Variants in PLCB4 observed in about 807,000 individuals in gnomAD.
PLCB4 encodes the protein 1-phosphatidylinositol 4,5-bisphosphate phosphodiesterase beta-4.
PLCB4 carries 77 observed loss-of-function variants against 178.8 expected under a neutral mutation model. The observed-to-expected ratio is 0.43, with a 90% CI of 0.36 to 0.52. The LOEUF (loss-of-function observed/expected upper bound fraction) is 0.52, where lower values mean the gene tolerates loss of function less well. PLCB4 is among the 20% of genes least tolerant of loss of function. The pLI, the probability that PLCB4 is intolerant of heterozygous loss-of-function variation, is 0.00. For synonymous variants in PLCB4, 496 were observed against 490.8 expected, an observed-to-expected ratio of 1.01 and a Z score of -0.14; for missense variants, 1,024 against 1,453.4, an observed-to-expected ratio of 0.70 and a Z score of 4.80.
chr20:9,418,482 G>A (rs1002429586), intron 25 of PLCB4, among the ~76,000 whole-genome samples: 12 of 152,102 alleles, frequency 7.9e-5, no homozygotes, highest in South Asian at 2.1e-4. Context: ...CATAGATAAC[G>A]TGGATTTATT....
intron 3 of PLCB4, among the ~76,000 whole-genome samples, chr20:9,271,200 C>G (rs1161373465): frequency 6.6e-6 from 1 of 152,126 alleles, no homozygotes; most frequent in Non-Finnish European, 1.5e-5. Flanking sequence ...CTCAAGTTGT[C>G]CATTTTACAT....
At chr20:9,151,776 C>G (rs569400339) in intron 2 of PLCB4, among the ~76,000 whole-genome samples, 8 of 152,190 alleles carry the variant, frequency 5.3e-5, no homozygotes, top group African/African-American at 1.9e-4. Context: ...GACTTTGGAA[C>G]TGGGTAACAG....
chr20:9,384,556 T>C, intron 14 of PLCB4, 145 bp downstream of exon 14: 2 of 637,374 alleles, frequency 3.1e-6, no homozygotes, highest in Admixed American at 5.6e-5. Context: ...TCATTTAACG[T>C]TGAGAAAAGA....
Position 9,158,196 on chromosome 20 carries a change from A to G in PLCB4, c.-78-59194A>G, listed in dbSNP as rs143355112. 8.7e-4 allele frequency among the ~76,000 whole-genome samples: 132 copies of G among 152,212 alleles called. 1 individual carries two copies. In the East Asian group the frequency reaches 0.023, roughly 27 times the overall value. On this transcript the variant is annotated intron_variant, in intron 2 of 39. Coordinates refer to ENST00000378473, the MANE Select transcript of PLCB4 (RefSeq NM_001377142.1). ...GTATTTTCAAACAGTGTTTCCCAATATCAGTCATACAGATACCATCTGCAT... is the reference window on the plus strand; with the variant it reads ...GTATTTTCAAACAGTGTTTCCCAATGTCAGTCATACAGATACCATCTGCAT...
At chr20:9,168,834 T>A (rs1285766961) in intron 2 of PLCB4, among the ~76,000 whole-genome samples, 1 of 152,124 alleles carries the variant, frequency 6.6e-6, no homozygotes, top group Non-Finnish European at 1.5e-5. Context: ...CTGGTAGAAA[T>A]GTGTGGGATT....
intron 3 of PLCB4, among the ~76,000 whole-genome samples, chr20:9,270,185 T>C (rs1322336605): frequency 1.3e-5 from 2 of 152,196 alleles, no homozygotes; most frequent in Non-Finnish European, 2.9e-5. Flanking sequence ...TTTTTCTTTT[T>C]ATTTATTTTA....
chr20:9,200,250 A>G (rs1016592344), intron 2 of PLCB4, among the ~76,000 whole-genome samples: 56 of 152,170 alleles, frequency 3.7e-4, no homozygotes, highest in African/African-American at 1.2e-3. Flanking sequence ...AACTTTTTCA[A>G]TGCTGGGTTT....
intron 36 of PLCB4, among the ~76,000 whole-genome samples, chr20:9,472,042 A>T (rs1438766406): frequency 6.6e-6 from 1 of 152,254 alleles, no homozygotes; most frequent in African/African-American, 2.4e-5. Context: ...CAATGAGGAA[A>T]TAGTGTAGTC....
intron 2 of PLCB4, among the ~76,000 whole-genome samples, chr20:9,162,139 TAGAATGTCATACCC>T (rs2092898978): frequency 6.6e-6 from 1 of 152,208 alleles, no homozygotes. Flanking sequence ...CAGTGTTTAT[TAGAATGTCATACCC>T]TGCTTTAAAA....
chr20:9,365,906 A>T (rs981873361), intron 9 of PLCB4, among the ~76,000 whole-genome samples: 4 of 152,150 alleles, frequency 2.6e-5, no homozygotes, highest in African/African-American at 9.7e-5. Context: ...CCGTGTCTTG[A>T]GAAGTGTGAT....
intron 18 of PLCB4, among the ~76,000 whole-genome samples, chr20:9,394,058 G>A (rs976568421): frequency 6.6e-6 from 1 of 151,904 alleles, no homozygotes; most frequent in Admixed American, 6.6e-5. Flanking sequence ...ACCTATCTAG[G>A]GATACTAGGT....
At chr20:9,070,946 C>T (rs970311631) in intron 1 of PLCB4, among the ~76,000 whole-genome samples, 3 of 152,150 alleles carry the variant, frequency 2.0e-5, no homozygotes, top group South Asian at 2.1e-4. Context: ...TTAAATCTGT[C>T]GGAATAACTC....
chr20:9,468,310 A>G (rs1227930558), intron 35 of PLCB4, among the ~76,000 whole-genome samples: 2 of 152,152 alleles, frequency 1.3e-5, no homozygotes, highest in Admixed American at 6.6e-5. Context: ...GAAGAGTGAG[A>G]GGAGTGAGCC....
chr20:9,349,986 G>T (rs1027266102), intron 7 of PLCB4, among the ~76,000 whole-genome samples: 1 of 152,112 alleles, frequency 6.6e-6, no homozygotes, highest in African/African-American at 2.4e-5. Context: ...TATTACATGA[G>T]ACTTTGTTGC....
chr20:9,128,070 C>T (rs191327461), intron 2 of PLCB4, among the ~76,000 whole-genome samples: 2 of 152,184 alleles, frequency 1.3e-5, no homozygotes, highest in East Asian at 3.9e-4. Flanking sequence ...GGAGGTGGGG[C>T]CTGGTGGGAG....
At chr20:9,458,824 T>G (rs1431023833) in intron 34 of PLCB4, among the ~76,000 whole-genome samples, 1 of 152,124 alleles carries the variant, frequency 6.6e-6, no homozygotes, top group South Asian at 2.1e-4. Context: ...CTCCAGCTCT[T>G]GACAAGAGGC....
chr20:9,423,618 A>G, intron 27 of PLCB4, 130 bp from the exon 28 acceptor site: 1 of 695,884 alleles, frequency 1.4e-6, no homozygotes, highest in Non-Finnish European at 2.5e-6. Context: ...GGGAATGCAG[A>G]TGGATCATGG....
intron 1 of PLCB4, among the ~76,000 whole-genome samples, chr20:9,082,510 T>C (rs907794448): frequency 9.9e-5 from 15 of 152,216 alleles, no homozygotes; most frequent in African/African-American, 3.6e-4. Context: ...TTCTTTTTGA[T>C]TTCACAGATT....
At chr20:9,277,402 T>C (rs77070269) in intron 3 of PLCB4, among the ~76,000 whole-genome samples, 4,414 of 152,118 alleles carry the variant, frequency 0.029, 220 homozygotes, top group African/African-American at 0.099. Context: ...TTTCTTTCCC[T>C]GAGAACATAA....
Sources: gnomAD v4.1 joint callset for allele counts (sites outside exome capture counted in the v4.1 genomes callset) on GRCh38, gnomAD v4.1.1 for gene constraint, MANE v1.5 for transcripts, NCBI Gene and HGNC (gene_info 2026-07-23, HGNC 2026-07-21) for gene names.